Variants in PAFAH1B1 observed in about 807,000 individuals in gnomAD.
PAFAH1B1 encodes the protein platelet-activating factor acetylhydrolase IB subunit beta.
In PAFAH1B1, 2 loss-of-function variants were observed where a neutral mutation model predicts 57.5. The ratio of observed to expected loss-of-function variants is 0.03; its 90% CI spans 0.01 to 0.11. The LOEUF (loss-of-function observed/expected upper bound fraction) is 0.11. Ranked by LOEUF, PAFAH1B1 falls within the 10% of genes least tolerant of loss-of-function variation. The probability of loss-of-function intolerance (pLI) is 1.00; values close to 1 mark genes in which losing one functional copy is unlikely to be tolerated. For missense variants in PAFAH1B1, 257 were observed against 512.0 expected (o/e 0.50, Z 4.81); for synonymous variants, 152 against 169.6 (o/e 0.90, Z 0.81).
intron 1 of PAFAH1B1, among the ~76,000 whole-genome samples, chr17:2,621,607 CTTTTTTTTTTTTT>C (rs534219431): frequency 3.3e-4 from 28 of 84,776 alleles, no homozygotes; most frequent in Admixed American, 5.9e-4. Context: ...GATAATCTGT[CTTTTTTTTTTTTT>C]TTTTTTTTTT....
intron 5 of PAFAH1B1, among the ~76,000 whole-genome samples, chr17:2,668,704 G>A (rs1193797382): frequency 2.6e-5 from 4 of 151,426 alleles, no homozygotes; most frequent in Non-Finnish European, 5.9e-5. Flanking sequence ...GACTGGGCAC[G>A]GTAGCTCATG....
intron 1 of PAFAH1B1, among the ~76,000 whole-genome samples, chr17:2,610,274 C>A (rs921790103): frequency 1.3e-5 from 2 of 152,060 alleles, no homozygotes; most frequent in African/African-American, 2.4e-5. Flanking sequence ...CATAAAACTA[C>A]AAAATGCCTC....
chr17:2,647,443 G>A (rs1346484808), intron 2 of PAFAH1B1, among the ~76,000 whole-genome samples: 1 of 152,028 alleles, frequency 6.6e-6, no homozygotes, highest in Non-Finnish European at 1.5e-5. Context: ...AGGCTGAGGC[G>A]TGAGAATCAC....
intron 1 of PAFAH1B1, among the ~76,000 whole-genome samples, chr17:2,618,112 G>T (rs2068371590): frequency 6.6e-6 from 1 of 152,028 alleles, no homozygotes; most frequent in Non-Finnish European, 1.5e-5. Flanking sequence ...GCTGGGCGTG[G>T]TGGTGGGCAC....
At chr17:2,637,252 A>G (rs187504305) in intron 1 of PAFAH1B1, among the ~76,000 whole-genome samples, 1 of 152,264 alleles carries the variant, frequency 6.6e-6, no homozygotes, top group East Asian at 1.9e-4. Flanking sequence ...CAAATTTTAT[A>G]TATACCAGTA....
In PAFAH1B1 at chr17:2,600,581, A is replaced by C. The variant is rs145266722; in HGVS notation, c.-191+6575A>C. ...GTGAAACTATCTCAAAAAAAAAAAA[A>C]AAAAACCAAAAAAAGAAAGAATATG... On this transcript the variant is annotated intron_variant, in intron 1 of 10. Transcript: ENST00000397195. Among the ~76,000 whole-genome samples the C allele has an allele frequency of 2.6e-5, 4 of 151,430 alleles. No individual in the cohort carries two copies. The East Asian group carries it at 5.8e-4, about 22-fold the overall frequency.
chr17:2,665,790 C>T lies in PAFAH1B1; in HGVS notation c.118-226C>T, dbSNP rs139854504. On this transcript the variant is annotated intron_variant, in intron 3 of 10. Coordinates refer to ENST00000397195, the MANE Select transcript of PAFAH1B1 (RefSeq NM_000430.4). ...CTAATTTTTGTATTTTTAGTAGAGA[C>T]GGGGTCTCGCCATGTTGGCCAGGCT... 5.4e-3 allele frequency among the ~76,000 whole-genome samples: 827 copies of T among 152,038 alleles called. 6 individuals are homozygous for T. Among genetic ancestry groups the T allele is most frequent in the South Asian group, 0.016 (79 of 4,814 alleles).
chr17:2,650,373 G>A lies in PAFAH1B1; in HGVS notation c.32+12053G>A, dbSNP rs976073234. On this transcript the variant is annotated intron_variant, in intron 2 of 10. Transcript: ENST00000397195. ...CTGAAAATACGAACATTAGCCAGACGTGGCGGTGTGCACCTGTAATCCCAG... is the reference window on the plus strand; with the variant it reads ...CTGAAAATACGAACATTAGCCAGACATGGCGGTGTGCACCTGTAATCCCAG... Among the ~76,000 whole-genome samples the A allele has an allele frequency of 2.6e-5, 4 of 152,118 alleles. No homozygotes were observed. In the East Asian group the frequency reaches 5.8e-4, roughly 22 times the overall value.
intron 1 of PAFAH1B1, chr17:2,613,864 T>G: frequency 9.0e-6 from 2 of 223,142 alleles, no homozygotes; most frequent in South Asian, 6.6e-5. Flanking sequence ...GGCACAGAGG[T>G]GAGGGCACTC....
At chr17:2,626,912 T>C (rs1392127591) in intron 1 of PAFAH1B1, among the ~76,000 whole-genome samples, 2 of 152,184 alleles carry the variant, frequency 1.3e-5, no homozygotes, top group Non-Finnish European at 2.9e-5. Context: ...TGTCTCTTCA[T>C]GTCCTTAGCC....
At position 2,684,037 on chromosome 17, in the gene PAFAH1B1, GC is replaced by G. The variant is rs1347254871; in HGVS notation, c.*2236del. ...CTTCCCCTGCAGCACACAGCGACTT[GC>G]GTTGACAAAGGAGGAGGAAACGATT... On this transcript the variant is annotated 3_prime_UTR_variant, in exon 11 of 11. Coordinates refer to ENST00000397195, the MANE Select transcript of PAFAH1B1 (RefSeq NM_000430.4). 3 of 152,668 alleles carry G rather than the reference GC, an allele frequency of 2.0e-5. No homozygotes were observed. The highest frequency in any genetic ancestry group is 7.2e-5 in the African/African-American group (3 of 41,470). The allele number at this position is 152,668 out of a possible 1,614,324, so 9.5% of individuals were successfully genotyped here.
chr17:2,664,125 C>A (rs1445136422), intron 2 of PAFAH1B1, among the ~76,000 whole-genome samples: 1 of 152,170 alleles, frequency 6.6e-6, no homozygotes, highest in Non-Finnish European at 1.5e-5. Flanking sequence ...CTCATAATTA[C>A]CTGGAACATA....
intron 2 of PAFAH1B1, chr17:2,659,324 G>A: frequency 5.6e-6 from 1 of 177,736 alleles, no homozygotes; most frequent in South Asian, 7.8e-5. Flanking sequence ...GGATCACAAG[G>A]TCAAGAGATC....
At chr17:2,621,151 G>A (rs8076702) in intron 1 of PAFAH1B1, among the ~76,000 whole-genome samples, 50 of 152,042 alleles carry the variant, frequency 3.3e-4, no homozygotes, top group African/African-American at 1.1e-3. Context: ...AAGTTGAGGT[G>A]TATATGTGCA....
At position 2,656,163 on chromosome 17, in the gene PAFAH1B1, A is replaced by G. The variant is rs544502283; in HGVS notation, c.33-9209A>G. Among the ~76,000 whole-genome samples, 4 of 152,246 alleles carry G rather than the reference A, an allele frequency of 2.6e-5. No homozygotes were observed. The South Asian group carries it at 6.2e-4, about 24-fold the overall frequency. The stretch of plus-strand genomic sequence containing the variant: ...CTGGTCTCGAACTCCTAACCTCGTG[A>G]TCTGCCCGCCTCAGCCTCCCAAAGT... On this transcript the variant is annotated intron_variant, in intron 2 of 10. Coordinates refer to ENST00000397195, the MANE Select transcript of PAFAH1B1 (RefSeq NM_000430.4).
rs759906120 is a variant in PAFAH1B1 at position 2,638,225 on chromosome 17, G to A, written c.-64G>A. ...AAATTATAAGTCCACGGATCAAAAA[G>A]CTTTTTGATTTCCCAAAGGAGGGAC... On this transcript the variant is annotated 5_prime_UTR_variant, in exon 2 of 11. Transcript: ENST00000397195. 1 of 1,383,708 alleles carries A rather than the reference G, an allele frequency of 7.2e-7. No individual in the cohort carries two copies. Among genetic ancestry groups the A allele is most frequent in the Non-Finnish European group, 1.0e-6 (1 of 975,602 alleles). The allele number at this position is 1,383,708 out of a possible 1,614,324, so 85.7% of individuals were successfully genotyped here.
In PAFAH1B1 at chr17:2,668,740, C is replaced by G. The variant is rs538895105; in HGVS notation, c.400-1423C>G. ...CCTGTAATCCCAGCACTTTGGGAGG[C>G]CAAGGTGGGTGGATCATGAGGTCAG... On this transcript the variant is annotated intron_variant, in intron 5 of 10. Coordinates refer to ENST00000397195, the MANE Select transcript of PAFAH1B1 (RefSeq NM_000430.4). Among the ~76,000 whole-genome samples the G allele has an allele frequency of 4.0e-5, 6 of 151,686 alleles. No homozygotes were observed. The South Asian group carries it at 1.3e-3, about 32-fold the overall frequency.
chr17:2,670,499 T>C (rs532567620), intron 6 of PAFAH1B1, 168 bp downstream of exon 6: 14 of 647,128 alleles, frequency 2.2e-5, no homozygotes, highest in African/African-American at 1.6e-4. Context: ...TAGTTGAGAG[T>C]GCTTTCTATT....
At chr17:2,678,400 CAAAAAAA>C (rs11394999) in intron 9 of PAFAH1B1, among the ~76,000 whole-genome samples, 8,804 of 81,006 alleles carry the variant, frequency 0.11, 525 homozygotes, top group East Asian at 0.38. Flanking sequence ...GAAACCATCT[CAAAAAAA>C]AAAAAAAAAA....
Sources: allele counts gnomAD v4.1 joint callset (sites outside exome capture counted in the v4.1 genomes callset), GRCh38; gene constraint gnomAD v4.1.1; transcripts MANE v1.5; gene names NCBI Gene and HGNC (gene_info 2026-07-23, HGNC 2026-07-21).